The following ZMPSTE24 variants were observed in gnomAD, a reference collection of about 807,000 sequenced individuals.
ZMPSTE24 encodes the protein CAAX prenyl protease 1 homolog.
Under a neutral mutation model 56.7 loss-of-function variants are expected in ZMPSTE24, and 48 were observed. The ratio of observed to expected loss-of-function variants is 0.85; its 90% confidence interval spans 0.67 to 1.08. ZMPSTE24 has a LOEUF of 1.08. Ranked by LOEUF, ZMPSTE24 falls within the 50% of genes least tolerant of loss-of-function variation. The probability of loss-of-function intolerance (pLI) is 0.00; values close to 1 mark genes in which losing one functional copy is unlikely to be tolerated. For synonymous variants in ZMPSTE24, 172 were observed against 195.2 expected (o/e 0.88, Z 0.99); for missense variants, 503 against 548.7 (o/e 0.92, Z 0.83).
At chr1:40,275,285 A>G (rs13376180) in intron 6 of ZMPSTE24, among the ~76,000 whole-genome samples, 1,771 of 148,530 alleles carry the variant, frequency 0.012, 39 homozygotes, top group African/African-American at 0.042. Flanking sequence ...AAAAAAAAAA[A>G]AAGCCGGGCG....
Position 40,281,379 on chromosome 1 carries a change from A to T in ZMPSTE24, c.806A>T (p.Tyr269Phe), listed in dbSNP as rs763908981. ...KRSSHSNAYF[Y>F]GFFKNKRIVL... is the part of the protein sequence containing the mutation. The stretch of plus-strand genomic sequence containing the variant: ...TCTTCCCACAGCAATGCTTATTTTT[A>T]TGGCTTCTTCAAGAACAAGCGAATA... The change falls in exon 7 of 10, where the codon TAT (tyrosine) becomes TTT (phenylalanine). Residue 269 changes from tyrosine (Y) to phenylalanine (F), a missense_variant. Coordinates refer to ENST00000372759, the MANE Select transcript of ZMPSTE24 (RefSeq NM_005857.5). 2 of 1,614,122 alleles carry T rather than the reference A, an allele frequency of 1.2e-6. No individual in the cohort carries two copies. Among genetic ancestry groups the T allele is most frequent in the Non-Finnish European group, 8.5e-7 (1 of 1,179,980 alleles).
At chr1:40,280,204 C>T (rs1643713670) in intron 6 of ZMPSTE24, among the ~76,000 whole-genome samples, 1 of 152,168 alleles carries the variant, frequency 6.6e-6, no homozygotes, top group African/African-American at 2.4e-5. Flanking sequence ...GGATCAGCTC[C>T]GATGATTGCT....
chr1:40,259,884 C>A (rs1377402539), intron 1 of ZMPSTE24, among the ~76,000 whole-genome samples: 1 of 152,050 alleles, frequency 6.6e-6, no homozygotes, highest in Non-Finnish European at 1.5e-5. Flanking sequence ...CAGGCATGAG[C>A]CACCGTGCTC....
chr1:40,283,161 A>G (rs1306107978), intron 7 of ZMPSTE24, among the ~76,000 whole-genome samples: 1 of 152,196 alleles, frequency 6.6e-6, no homozygotes, highest in Non-Finnish European at 1.5e-5. Flanking sequence ...TGAAGTCCAG[A>G]AAGAATAACC....
At chr1:40,261,114 C>T (rs1418943676) in intron 2 of ZMPSTE24, 129 bp downstream of exon 2, 44 of 1,174,386 alleles carry the variant, frequency 3.7e-5, no homozygotes, top group Non-Finnish European at 5.2e-5. Context: ...TTGATAGTAA[C>T]GGCTGTGGAG....
chr1:40,268,574 A>G (rs1334284351), intron 4 of ZMPSTE24, 39 bp downstream of exon 4: 14 of 1,331,966 alleles, frequency 1.1e-5, no homozygotes, highest in Non-Finnish European at 1.5e-5. Context: ...TTAAATGTGA[A>G]AAACTTCTGT....
At chr1:40,271,276 TC>T (rs2124582850) in intron 5 of ZMPSTE24, among the ~76,000 whole-genome samples, 1 of 152,358 alleles carries the variant, frequency 6.6e-6, no homozygotes, top group African/African-American at 2.4e-5. Context: ...TGTTTCATTT[TC>T]CATTGATGGG....
intron 2 of ZMPSTE24, among the ~76,000 whole-genome samples, chr1:40,265,371 T>C (rs1307981852): frequency 6.6e-6 from 1 of 152,150 alleles, no homozygotes; most frequent in Non-Finnish European, 1.5e-5. Flanking sequence ...TTGAATTAGT[T>C]GTAGTAAAGT....
In ZMPSTE24 at chr1:40,258,341, C is replaced by G. The variant is rs1290470129; in HGVS notation, c.70C>G (p.Leu24Val). Reference sequence around the variant, plus strand: ...CGAGAAGCGTATCTTCGGGGCCGTGCTGCTCTTTTCCTGGACAGTGTATCT... The same window carrying G: ...CGAGAAGCGTATCTTCGGGGCCGTGGTGCTCTTTTCCTGGACAGTGTATCT... Reference protein sequence around the residue: ...PAEKRIFGAVLLFSWTVYLWE... With the variant: ...PAEKRIFGAVVLFSWTVYLWE... Residue 24 changes from leucine to valine, a missense_variant, in exon 1 of 10, where the codon CTG becomes GTG. Leu to Val is a conservative substitution (Grantham distance 32). Coordinates refer to ENST00000372759, the MANE Select transcript of ZMPSTE24 (RefSeq NM_005857.5). 2.5e-6 allele frequency: 4 copies of G among 1,614,202 alleles called. No individual in the cohort carries two copies. The East Asian group carries it at 8.9e-5, about 36-fold the overall frequency.
chr1:40,281,338 C>T lies in ZMPSTE24; in HGVS notation c.770-5C>T, dbSNP rs373126047. 5.0e-6 allele frequency: 8 copies of T among 1,613,734 alleles called. No individual in the cohort carries two copies. In the South Asian group the frequency reaches 7.7e-5, roughly 16 times the overall value. On this transcript the variant is annotated splice_region_variant and splice_polypyrimidine_tract_variant and intron_variant, in intron 6 of 9. Transcript: ENST00000372759. ...ATTCCATGCTTTGAACTGTCTTTTC[C>T]TTAGGATCTAAACGCTCTTCCCACA...
At chr1:40,285,820 C>T in intron 7 of ZMPSTE24, 105 bp from the exon 8 acceptor site, 1 of 930,152 alleles carries the variant, frequency 1.1e-6, no homozygotes, top group Non-Finnish European at 1.6e-6. Context: ...TTGAACAAAA[C>T]TGATTATTTC....
At chr1:40,285,254 A>G (rs1383251895) in intron 7 of ZMPSTE24, among the ~76,000 whole-genome samples, 1 of 152,014 alleles carries the variant, frequency 6.6e-6, no homozygotes, top group Non-Finnish European at 1.5e-5. Flanking sequence ...TTACAGGCGC[A>G]TACCACGATA....
chr1:40,283,217 C>G (rs1557780275), intron 7 of ZMPSTE24, among the ~76,000 whole-genome samples: 2 of 152,148 alleles, frequency 1.3e-5, no homozygotes, highest in Non-Finnish European at 2.9e-5. Context: ...AGTTAATCTG[C>G]TTATGGTCAG....
chr1:40,260,601 A>C (rs1357009423), intron 1 of ZMPSTE24, among the ~76,000 whole-genome samples: 1 of 152,232 alleles, frequency 6.6e-6, no homozygotes, highest in Non-Finnish European at 1.5e-5. Flanking sequence ...TACAAACTGA[A>C]GTGTGATGAC....
At position 40,286,025 on chromosome 1, in the gene ZMPSTE24, G is replaced by A; in HGVS notation, c.1055G>A (p.Ser352Asn). Reference protein sequence around the residue: ...LGHTVKNIIISQMNSFLCFFL... With the variant: ...LGHTVKNIIINQMNSFLCFFL... ...CATACAGTCAAAAATATCATTATTA[G>A]CCAGGTAAGTGTGGAGTGACAATTC... The change falls in exon 8 of 10, where the codon AGC (serine) becomes AAC (asparagine). Residue 352 changes from serine to asparagine, a missense_variant. Ser to Asn is a conservative substitution (Grantham distance 46). Transcript: ENST00000372759. The A allele has an allele frequency of 6.2e-7, 1 of 1,612,824 alleles. No homozygotes were observed. Among genetic ancestry groups the A allele is most frequent in the South Asian group, 1.1e-5 (1 of 91,050 alleles).
At chr1:40,268,992 C>T (rs905800203) in intron 4 of ZMPSTE24, among the ~76,000 whole-genome samples, 2 of 143,358 alleles carry the variant, frequency 1.4e-5, no homozygotes, top group African/African-American at 5.1e-5. Context: ...AGGAGAATGG[C>T]GTGAACCCGG....
intron 6 of ZMPSTE24, among the ~76,000 whole-genome samples, chr1:40,277,057 A>T (rs149578943): frequency 4.2e-4 from 64 of 152,158 alleles, no homozygotes; most frequent in African/African-American, 1.5e-3. Flanking sequence ...ACAGCGATAT[A>T]AAAAGCTTAC....
rs1354057596 is a variant in ZMPSTE24, at chr1:40,292,810, A to G, written c.*141A>G. ...CAGATTTAAATACATTTAATATGTCATTTTAAAAATGATTTTAATAATTCA... is the reference window on the plus strand; with the variant it reads ...CAGATTTAAATACATTTAATATGTCGTTTTAAAAATGATTTTAATAATTCA... On this transcript the variant is annotated 3_prime_UTR_variant, in exon 10 of 10. Transcript: ENST00000372759. The G allele has an allele frequency of 3.1e-6, 2 of 635,890 alleles. No homozygotes were observed. Among genetic ancestry groups the G allele is most frequent in the Non-Finnish European group, 5.3e-6 (2 of 376,990 alleles). 39.4% of individuals were successfully genotyped at this position (635,890 alleles called of 1,614,324 possible). A position where few individuals can be genotyped will look rare whatever the true frequency, so the allele number is the denominator to read the frequency against.
chr1:40,262,439 C>A (rs1221869872), intron 2 of ZMPSTE24, among the ~76,000 whole-genome samples: 2 of 151,908 alleles, frequency 1.3e-5, no homozygotes, highest in East Asian at 3.9e-4. Context: ...TTTATCTGAG[C>A]ATTGCTTCTG....
Sources: gnomAD v4.1 joint callset for allele counts (sites outside exome capture counted in the v4.1 genomes callset) on GRCh38, gnomAD v4.1.1 for gene constraint, MANE v1.5 for transcripts, NCBI Gene and HGNC (gene_info 2026-07-23, HGNC 2026-07-21) for gene names.